The following VWA3B variants were observed in gnomAD, a reference collection of about 807,000 sequenced individuals.
VWA3B encodes von Willebrand factor A domain-containing protein 3B.
Under a neutral mutation model 158.3 loss-of-function variants are expected in VWA3B, and 138 were observed. The observed-to-expected ratio is 0.87, with a 90% CI of 0.76 to 1.00. VWA3B has a LOEUF of 1.00. VWA3B is among the 50% of genes least tolerant of loss of function. The pLI is 0.00. For synonymous variants in VWA3B, 596 were observed against 587.3 expected (o/e 1.01, Z -0.21); for missense variants, 1,555 against 1,565.1 (o/e 0.99, Z 0.11).
chr2:98,134,551 T>C (rs1254705498), intron 7 of VWA3B, among the ~76,000 whole-genome samples: 1 of 152,134 alleles, frequency 6.6e-6, no homozygotes, highest in Non-Finnish European at 1.5e-5. Flanking sequence ...GAGTTTCTTT[T>C]AAGCTGATGA....
intron 25 of VWA3B, among the ~76,000 whole-genome samples, chr2:98,301,977 AG>A (rs1486936949): frequency 1.3e-5 from 2 of 152,136 alleles, no homozygotes; most frequent in African/African-American, 4.8e-5. Flanking sequence ...ATTCTTTATC[AG>A]TTTACGAAAC....
intron 7 of VWA3B, among the ~76,000 whole-genome samples, chr2:98,144,986 C>T (rs576018037): frequency 6.6e-6 from 1 of 152,370 alleles, no homozygotes; most frequent in South Asian, 2.1e-4. Context: ...CCCACATCCT[C>T]TCTGCTGCAT....
Position 98,298,918 on chromosome 2 carries a change from A to G in VWA3B, c.3282+887A>G, listed in dbSNP as rs74999870. Among the ~76,000 whole-genome samples, 826 of 152,282 alleles carry G rather than the reference A, an allele frequency of 5.4e-3. 6 individuals carry two copies. The highest frequency in any genetic ancestry group is 0.019 in the African/African-American group (781 of 41,558). ...AAAGGCTGAGGTGAATTAGTGCCCT[A>G]TGTAGATGAAGGGATGGTCCCTGCT... On this transcript the variant is annotated intron_variant, in intron 24 of 27. Coordinates refer to ENST00000477737, the MANE Select transcript of VWA3B (RefSeq NM_144992.5).
At chr2:98,142,728 T>C (rs1459491542) in intron 7 of VWA3B, among the ~76,000 whole-genome samples, 2 of 152,170 alleles carry the variant, frequency 1.3e-5, no homozygotes, top group Non-Finnish European at 2.9e-5. Context: ...CTGAGATAAC[T>C]TAATTAGTTA....
At chr2:98,193,964 C>T (rs1681816061) in intron 11 of VWA3B, among the ~76,000 whole-genome samples, 1 of 152,146 alleles carries the variant, frequency 6.6e-6, no homozygotes, top group Non-Finnish European at 1.5e-5. Flanking sequence ...TGAATAATGG[C>T]TTTACCTAAA....
intron 8 of VWA3B, among the ~76,000 whole-genome samples, chr2:98,175,686 G>A (rs947910530): frequency 6.6e-6 from 1 of 152,192 alleles, no homozygotes; most frequent in East Asian, 1.9e-4. Context: ...CCCTACATTT[G>A]ATGAAAACAT....
chr2:98,181,207 A>G lies in VWA3B; in HGVS notation c.1306A>G (p.Ser436Gly), dbSNP rs758349219. ...AKPENESVQT[S>G]AETNKKTVHA... Reference sequence around the variant, plus strand: ...ACCGGAGAATGAGTCCGTGCAGACCAGTGCGGTAGGTGAAGTGCACTCCTG... The same window carrying G: ...ACCGGAGAATGAGTCCGTGCAGACCGGTGCGGTAGGTGAAGTGCACTCCTG... Residue 436 changes from serine to glycine, a missense_variant, in exon 9 of 28, where the codon AGT becomes GGT. Coordinates refer to ENST00000477737, the MANE Select transcript of VWA3B (RefSeq NM_144992.5). 30 of 1,613,652 alleles carry G rather than the reference A, an allele frequency of 1.9e-5. No individual in the cohort carries two copies. The highest frequency in any genetic ancestry group is 1.7e-4 in the Middle Eastern group (1 of 6,054).
chr2:98,143,600 A>C (rs1487390993), intron 7 of VWA3B, among the ~76,000 whole-genome samples: 1 of 152,080 alleles, frequency 6.6e-6, no homozygotes, highest in Non-Finnish European at 1.5e-5. Flanking sequence ...GGAATGAGGC[A>C]CTGTCCTATA....
intron 14 of VWA3B, among the ~76,000 whole-genome samples, chr2:98,222,200 C>T (rs1684570004): frequency 6.6e-6 from 1 of 152,128 alleles, no homozygotes; most frequent in Non-Finnish European, 1.5e-5. Flanking sequence ...CAACTTCCTA[C>T]CCTTAAGAGA....
intron 9 of VWA3B, among the ~76,000 whole-genome samples, chr2:98,187,415 G>A (rs1338343888): frequency 6.6e-6 from 1 of 151,970 alleles, no homozygotes; most frequent in Non-Finnish European, 1.5e-5. Flanking sequence ...AGGAGGGCTC[G>A]CTCCGTCTGT....
At chr2:98,271,752 G>T (rs1688213074) in intron 22 of VWA3B, among the ~76,000 whole-genome samples, 1 of 152,184 alleles carries the variant, frequency 6.6e-6, no homozygotes, top group South Asian at 2.1e-4. Context: ...TACAGCCTTA[G>T]AAGTAGTATT....
chr2:98,187,945 A>T, intron 9 of VWA3B, 30 bp from the exon 10 acceptor site: 1 of 1,565,754 alleles, frequency 6.4e-7, no homozygotes, highest in Non-Finnish European at 8.7e-7. Context: ...ACAGTTTCTG[A>T]GTGGCTTCTG....
At chr2:98,212,548 T>G (rs1359311108) in intron 13 of VWA3B, among the ~76,000 whole-genome samples, 1 of 152,232 alleles carries the variant, frequency 6.6e-6, no homozygotes, top group African/African-American at 2.4e-5. Context: ...TTTTGAGCTT[T>G]GTGAATGAAA....
Position 98,236,704 on chromosome 2 carries a change from C to G in VWA3B, c.2647C>G (p.His883Asp). 1 of 1,614,156 alleles carries G rather than the reference C, an allele frequency of 6.2e-7. No homozygotes were observed. Among genetic ancestry groups the G allele is most frequent in the South Asian group, 1.1e-5 (1 of 91,062 alleles). Residue 883 changes from histidine to aspartate, a missense_variant, in exon 19 of 28, where the codon CAT becomes GAT. Physicochemically the swap from His to Asp is moderately conservative, Grantham distance 81. Coordinates refer to ENST00000477737, the MANE Select transcript of VWA3B (RefSeq NM_144992.5). ...SSTYVPVLDK[H>D]VVSKVFDEVF... ...CACCTATGTTCCCGTCCTGGACAAG[C>G]ATGTCGTGTCTAAGGTCTTTGATGA...
intron 26 of VWA3B, among the ~76,000 whole-genome samples, chr2:98,311,282 G>A (rs757234483): frequency 6.6e-5 from 10 of 152,190 alleles, no homozygotes; most frequent in South Asian, 2.1e-4. Context: ...CTTTGTCAGC[G>A]TATTTTCTAA....
intron 7 of VWA3B, among the ~76,000 whole-genome samples, chr2:98,149,990 T>C (rs1438941383): frequency 2.0e-5 from 3 of 152,236 alleles, no homozygotes; most frequent in East Asian, 1.9e-4. Context: ...TTTCTTATAA[T>C]GAGTTTGATA....
intron 6 of VWA3B, among the ~76,000 whole-genome samples, chr2:98,131,607 A>G (rs1340458510): frequency 3.3e-5 from 5 of 152,230 alleles, no homozygotes; most frequent in Admixed American, 2.6e-4. Flanking sequence ...CCTCAGCAGC[A>G]TCTGTCATTT....
intron 13 of VWA3B, chr2:98,216,761 T>C: frequency 2.1e-6 from 1 of 479,080 alleles, no homozygotes; most frequent in Non-Finnish European, 4.3e-6. Flanking sequence ...CCAGGGAACA[T>C]CATCTCATTT....
intron 1 of VWA3B, among the ~76,000 whole-genome samples, chr2:98,089,129 C>T (rs1390741602): frequency 6.6e-6 from 1 of 152,060 alleles, no homozygotes; most frequent in Admixed American, 6.5e-5. Flanking sequence ...GCCTTATTAA[C>T]ACTGTGGATA....
Sources: gnomAD v4.1 joint callset for allele counts (sites outside exome capture counted in the v4.1 genomes callset) on GRCh38, gnomAD v4.1.1 for gene constraint, MANE v1.5 for transcripts, NCBI Gene and HGNC (gene_info 2026-07-23, HGNC 2026-07-21) for gene names.